Variants in NAV1 observed in about 807,000 individuals in gnomAD.
The protein encoded by NAV1 is pore membrane and/or filament interacting like protein 3.
A neutral mutation model predicts 175.2 loss-of-function variants in NAV1; 18 were observed. The ratio of observed to expected loss-of-function variants is 0.10; its 90% CI spans 0.07 to 0.15. The LOEUF (loss-of-function observed/expected upper bound fraction) is 0.15. Ranked by LOEUF, NAV1 falls within the 10% of genes least tolerant of loss-of-function variation. NAV1 has a pLI of 1.00. For synonymous variants in NAV1, 897 were observed against 978.7 expected, an observed-to-expected ratio of 0.92 and a Z score of 1.56; for missense variants, 1,731 against 2,436.6, an observed-to-expected ratio of 0.71 and a Z score of 6.10.
intron 3 of NAV1, among the ~76,000 whole-genome samples, chr1:201,729,424 T>C (rs1328211594): frequency 6.6e-6 from 1 of 150,718 alleles, no homozygotes; most frequent in Non-Finnish European, 1.5e-5. Flanking sequence ...GTGGATCACT[T>C]GAGGTCGGGA....
At chr1:201,711,422 T>C (rs1671901076) in intron 1 of NAV1, among the ~76,000 whole-genome samples, 1 of 149,442 alleles carries the variant, frequency 6.7e-6, no homozygotes, top group African/African-American at 2.4e-5. Context: ...GTCAAGCAGC[T>C]GCCTGCCAGC....
At chr1:201,727,224 T>C (rs1252226883) in intron 3 of NAV1, among the ~76,000 whole-genome samples, 1 of 152,228 alleles carries the variant, frequency 6.6e-6, no homozygotes, top group Non-Finnish European at 1.5e-5. Context: ...AGCAAGCTAC[T>C]GGACCTAAGT....
chr1:201,820,609 AG>A (rs1452541534), exon 30 of NAV1: 1 of 152,290 alleles, frequency 6.6e-6, no homozygotes. Context: ...TGGATGACAT[AG>A]GGGACATCAA....
chr1:201,719,865 C>G (rs1156331201), intron 3 of NAV1, among the ~76,000 whole-genome samples: 2 of 152,092 alleles, frequency 1.3e-5, no homozygotes, highest in Non-Finnish European at 2.9e-5. Flanking sequence ...AAAGTAGCCT[C>G]TCCTCGGAAA....
rs761352469 is a variant in NAV1 at position 201,808,892 on chromosome 1, T to C, written c.4207+21T>C. ...CACAGGTACCTGTGTGGGAGAAGAATCTATAAGGGTGAAGGGAAGAAAAGG... is the reference window on the plus strand; with the variant it reads ...CACAGGTACCTGTGTGGGAGAAGAACCTATAAGGGTGAAGGGAAGAAAAGG... On this transcript the variant is annotated intron_variant, in intron 20 of 29. Transcript: ENST00000367296. This position sits in a 1 kb window ranked among gnomAD's most constrained non-coding sequence, Gnocchi z 5.5. 1.2e-6 allele frequency: 2 copies of C among 1,601,522 alleles called. No homozygotes were observed. Among genetic ancestry groups the C allele is most frequent in the Non-Finnish European group, 1.7e-6 (2 of 1,172,784 alleles).
chr1:201,799,196 GGAGA>G (rs1553277505), intron 15 of NAV1, among the ~76,000 whole-genome samples: 3 of 151,386 alleles, frequency 2.0e-5, no homozygotes, highest in Non-Finnish European at 4.4e-5. Flanking sequence ...GTGTGTGTGT[GGAGA>G]GAGAGAGAGA....
chr1:201,708,174 T>C (rs1252337618), intron 1 of NAV1, among the ~76,000 whole-genome samples: 1 of 152,218 alleles, frequency 6.6e-6, no homozygotes, highest in Non-Finnish European at 1.5e-5. Flanking sequence ...CATCCTACTC[T>C]GCAGATGCCC....
chr1:201,574,694 G>T (rs1666643116), intron 1 of NAV1, among the ~76,000 whole-genome samples: 1 of 152,222 alleles, frequency 6.6e-6, no homozygotes, highest in South Asian at 2.1e-4. Flanking sequence ...AGCCTGCTCA[G>T]ATCAATTCTG....
rs574992554 is a variant in NAV1, at chr1:201,702,561, G to A, written c.758-10256G>A. ...CATTTTGTATTTTTAGTAGAGATGG[G>A]GTTTCATCATGTTGGTCAGGCTGGT... On this transcript the variant is annotated intron_variant, in intron 1 of 29. Coordinates refer to ENST00000367296, the Ensembl canonical transcript of NAV1. Among the ~76,000 whole-genome samples, 16 of 152,052 alleles carry A rather than the reference G, an allele frequency of 1.1e-4. No individual in the cohort carries two copies. In the South Asian group the frequency reaches 3.1e-3, roughly 30 times the overall value.
At chr1:201,638,835 A>G (rs1228549534) in intron 2 of NAV1, among the ~76,000 whole-genome samples, 1 of 152,216 alleles carries the variant, frequency 6.6e-6, no homozygotes, top group Admixed American at 6.5e-5. Context: ...GGAGGTGCTT[A>G]GTAACTGTAA....
chr1:201,678,332 A>G (rs183568656), intron 1 of NAV1, among the ~76,000 whole-genome samples: 90 of 152,310 alleles, frequency 5.9e-4, no homozygotes, highest in African/African-American at 2.1e-3. Context: ...TAGCGCTCCA[A>G]TGGCTGGTGT....
At chr1:201,735,534 A>G (rs239981) in intron 3 of NAV1, among the ~76,000 whole-genome samples, 46,868 of 152,126 alleles carry the variant, frequency 0.31, 8,019 homozygotes, top group Non-Finnish European at 0.39. Context: ...TGGAAGACAC[A>G]GGCATTGCTA....
At chr1:201,593,837 T>C (rs1434487586) in intron 2 of NAV1, among the ~76,000 whole-genome samples, 2 of 152,212 alleles carry the variant, frequency 1.3e-5, no homozygotes, top group South Asian at 2.1e-4. Flanking sequence ...CTTCTGCTTT[T>C]GCTCTAGTTG....
At chr1:201,681,810 TA>T (rs987646195) in intron 1 of NAV1, among the ~76,000 whole-genome samples, 3 of 151,642 alleles carry the variant, frequency 2.0e-5, no homozygotes, top group Non-Finnish European at 4.4e-5. Context: ...CCATCTCTAC[TA>T]AAAATACAAA....
chr1:201,743,657 T>TA (rs1165703406), intron 3 of NAV1, among the ~76,000 whole-genome samples: 2 of 152,070 alleles, frequency 1.3e-5, no homozygotes, highest in African/African-American at 2.4e-5. Flanking sequence ...ATTTTTTTTT[T>TA]AGCATCTTTT....
At chr1:201,645,745 T>C (rs1181418319), upstream of NAV1, among the ~76,000 whole-genome samples, 1 of 152,082 alleles carries the variant, frequency 6.6e-6, no homozygotes, top group Non-Finnish European at 1.5e-5. Context: ...TTTCCCTTTG[T>C]CTGCTAAGGA....
chr1:201,648,149 C>G, upstream of NAV1: 4 of 730,626 alleles, frequency 5.5e-6, no homozygotes, highest in Non-Finnish European at 6.7e-6. Context: ...CCCGCCTTCC[C>G]CTTCCCTCCT....
At chr1:201,688,909 G>C (rs1670787018) in intron 1 of NAV1, among the ~76,000 whole-genome samples, 1 of 152,208 alleles carries the variant, frequency 6.6e-6, no homozygotes, top group Non-Finnish European at 1.5e-5. Flanking sequence ...CTGGGACCTA[G>C]GTTACTAGAC....
At chr1:201,552,912 G>A (rs1665905115) in intron 1 of NAV1, among the ~76,000 whole-genome samples, 1 of 152,174 alleles carries the variant, frequency 6.6e-6, no homozygotes, top group Non-Finnish European at 1.5e-5. Flanking sequence ...ATGGACGGGT[G>A]GAAGGGTTAT....
Sources: allele counts gnomAD v4.1 joint callset (sites outside exome capture counted in the v4.1 genomes callset), GRCh38; gene constraint gnomAD v4.1.1; non-coding constraint Gnocchi (gnomAD v3.1); transcripts MANE v1.5; gene names NCBI Gene and HGNC (gene_info 2026-07-23, HGNC 2026-07-21).